The following TUSC3 variants were observed in gnomAD, a reference collection of about 807,000 sequenced individuals.
TUSC3 encodes tumor suppressor candidate 3, also known as dolichyl-diphosphooligosaccharide--protein glycosyltransferase subunit TUSC3.
TUSC3 carries 45 observed loss-of-function variants against 44.8 expected under a neutral mutation model. The observed-to-expected ratio is 1.00, with a 90% CI of 0.79 to 1.29. TUSC3 has a LOEUF of 1.29. TUSC3 is among the 50% of genes most tolerant of loss of function. The pLI is 0.00. For missense variants in TUSC3, 519 were observed against 437.9 expected (o/e 1.19, Z -1.65); for synonymous variants, 212 against 152.9 (o/e 1.39, Z -2.85).
At chr8:15,777,504 A>C in the TUSC3 span, among the ~76,000 whole-genome samples, 1 of 152,104 alleles carries the variant, frequency 6.6e-6, no homozygotes, top group African/African-American at 2.4e-5. Flanking sequence ...TCAAATTTTC[A>C]CTGTGCTATA....
At chr8:15,475,374 C>T (rs569351991) in intron 1 of TUSC3, among the ~76,000 whole-genome samples, 3 of 152,248 alleles carry the variant, frequency 2.0e-5, no homozygotes, top group East Asian at 1.9e-4. Context: ...GATGCTTATA[C>T]AGTTAGGGCA....
At chr8:15,576,253 CTTTT>C (rs534737121) in intron 1 of TUSC3, among the ~76,000 whole-genome samples, 4 of 118,604 alleles carry the variant, frequency 3.4e-5, no homozygotes, top group African/African-American at 1.3e-4. Flanking sequence ...CTTTTTCTTT[CTTTT>C]TTTTTTTTTC....
At chr8:15,506,956 T>A (rs7838229) in intron 2 of TUSC3, among the ~76,000 whole-genome samples, 1 of 152,184 alleles carries the variant, frequency 6.6e-6, no homozygotes, top group Non-Finnish European at 1.5e-5. Context: ...CCTTTTTGTC[T>A]GGTCATATTT....
chr8:15,685,346 C>A (rs1314868924), intron 6 of TUSC3, among the ~76,000 whole-genome samples: 1 of 152,032 alleles, frequency 6.6e-6, no homozygotes, highest in Non-Finnish European at 1.5e-5. Context: ...TGGCTTCCTC[C>A]CTCTTTAATC....
chr8:15,718,636 G>T (rs570794339), intron 6 of TUSC3, among the ~76,000 whole-genome samples: 1 of 152,136 alleles, frequency 6.6e-6, no homozygotes, highest in East Asian at 1.9e-4. Flanking sequence ...GACAAATAAT[G>T]TCATGTATTT....
intron 2 of TUSC3, among the ~76,000 whole-genome samples, chr8:15,499,530 A>G (rs1448066398): frequency 6.6e-6 from 1 of 152,198 alleles, no homozygotes; most frequent in Non-Finnish European, 1.5e-5. Context: ...TGGACTTATA[A>G]TGAGATAAAT....
chr8:15,683,112 G>C (rs780101490), intron 6 of TUSC3, among the ~76,000 whole-genome samples: 10 of 152,284 alleles, frequency 6.6e-5, no homozygotes, highest in Non-Finnish European at 1.5e-4. Context: ...TGGAAAGGCT[G>C]ATGACTATTT....
intron 1 of TUSC3, among the ~76,000 whole-genome samples, chr8:15,616,468 T>C (rs2129161360): frequency 6.6e-6 from 1 of 152,268 alleles, no homozygotes; most frequent in East Asian, 1.9e-4. Context: ...ATCAGTCTAC[T>C]CGGGAAGCTG....
the TUSC3 span, among the ~76,000 whole-genome samples, chr8:15,788,823 T>G: frequency 0.044 from 6,695 of 152,248 alleles, 184 homozygotes; most frequent in Non-Finnish European, 0.069. Flanking sequence ...AGTAGGTAAG[T>G]TGCAAAGCCA....
chr8:15,692,357 A>AC (rs57593991), intron 6 of TUSC3, among the ~76,000 whole-genome samples: 46 of 88,090 alleles, frequency 5.2e-4, no homozygotes, highest in South Asian at 7.1e-4. Context: ...TTGGGAGGAG[A>AC]CCCCCCCCCC....
chr8:15,463,985 C>A (rs569885165), intron 1 of TUSC3, among the ~76,000 whole-genome samples: 2 of 152,090 alleles, frequency 1.3e-5, no homozygotes, highest in Non-Finnish European at 2.9e-5. Context: ...GATGAAGAAA[C>A]TTTTGGACTT....
At chr8:15,636,349 T>G (rs1012912562) in intron 2 of TUSC3, among the ~76,000 whole-genome samples, 1 of 152,140 alleles carries the variant, frequency 6.6e-6, no homozygotes, top group African/African-American at 2.4e-5. Context: ...TGCTGTTTTT[T>G]TAATGTAAAA....
chr8:15,443,816 A>T (rs369845784), intron 1 of TUSC3, among the ~76,000 whole-genome samples: 2 of 152,074 alleles, frequency 1.3e-5, no homozygotes, highest in East Asian at 1.9e-4. Flanking sequence ...TACTTTGCAG[A>T]CCCTGCAGTT....
intron 1 of TUSC3, among the ~76,000 whole-genome samples, chr8:15,437,334 T>G (rs1799961601): frequency 6.6e-6 from 1 of 152,212 alleles, no homozygotes; most frequent in Admixed American, 6.5e-5. Flanking sequence ...GACCTACATA[T>G]CTCTGTTTAC....
intron 1 of TUSC3, among the ~76,000 whole-genome samples, chr8:15,421,228 T>A (rs182812503): frequency 6.6e-6 from 1 of 152,172 alleles, no homozygotes; most frequent in African/African-American, 2.4e-5. Context: ...CCCTGCAACA[T>A]CCCCCTCATC....
intron 1 of TUSC3, among the ~76,000 whole-genome samples, chr8:15,428,788 A>T (rs1799836472): frequency 6.6e-6 from 1 of 152,056 alleles, no homozygotes; most frequent in African/African-American, 2.4e-5. Flanking sequence ...GTGTCTGTTC[A>T]TATCCTTTGC....
intron 2 of TUSC3, among the ~76,000 whole-genome samples, chr8:15,625,230 T>A (rs546450620): frequency 6.6e-6 from 1 of 152,236 alleles, no homozygotes; most frequent in African/African-American, 2.4e-5. Flanking sequence ...TATGTGTTGC[T>A]GGATTCAGTT....
At chr8:15,632,253 G>T (rs940902994) in intron 2 of TUSC3, among the ~76,000 whole-genome samples, 2 of 152,024 alleles carry the variant, frequency 1.3e-5, no homozygotes, top group African/African-American at 4.8e-5. Flanking sequence ...TTGTTTTAAT[G>T]ATGGTGACTT....
rs150574522 is a variant in TUSC3, at chr8:15,459,911, C to T, written n.92-23475C>T. On this transcript the variant is annotated intron_variant and non_coding_transcript_variant, in intron 1 of 5. Coordinates refer to the TUSC3 transcript ENST00000503191. ...ACATACATACATACATACACACATACCACAGTTTCTTTATCCACTCATTGA... is the reference window on the plus strand; with the variant it reads ...ACATACATACATACATACACACATATCACAGTTTCTTTATCCACTCATTGA... Among the ~76,000 whole-genome samples the T allele has an allele frequency of 3.6e-3, 550 of 151,494 alleles. 7 individuals are homozygous for T. The highest frequency in any genetic ancestry group is 0.031 in the Middle Eastern group (9 of 292).
Sources: gnomAD v4.1 joint callset for allele counts (sites outside exome capture counted in the v4.1 genomes callset) on GRCh38, gnomAD v4.1.1 for gene constraint, MANE v1.5 for transcripts, NCBI Gene and HGNC (gene_info 2026-07-23, HGNC 2026-07-21) for gene names.